The following TMCO4 variants were observed in gnomAD, a reference collection of about 807,000 sequenced individuals.
TMCO4 encodes transmembrane and coiled-coil domain-containing protein 4.
Under a neutral mutation model 64.7 loss-of-function variants are expected in TMCO4, and 58 were observed. That is an observed-to-expected ratio of 0.90 (90% confidence interval 0.73 to 1.12). The LOEUF (loss-of-function observed/expected upper bound fraction) is 1.12. TMCO4 is among the 50% of genes most tolerant of loss of function. TMCO4 has a pLI of 0.00. For missense variants in TMCO4, 780 were observed against 825.9 expected, an observed-to-expected ratio of 0.94 and a Z score of 0.68; for synonymous variants, 325 against 346.1, an observed-to-expected ratio of 0.94 and a Z score of 0.68.
intron 13 of TMCO4, among the ~76,000 whole-genome samples, chr1:19,717,458 C>T (rs559207569): frequency 2.0e-5 from 3 of 152,308 alleles, no homozygotes; most frequent in Admixed American, 1.3e-4. Context: ...AGTGAAAATG[C>T]TACTACTGAA....
rs930485406 is a variant in TMCO4 at position 19,706,402 on chromosome 1, C to T, written c.1265-5517G>A. Among the ~76,000 whole-genome samples, 6 of 152,290 alleles carry T rather than the reference C, an allele frequency of 3.9e-5. No homozygotes were observed. In the East Asian group the frequency reaches 1.2e-3, roughly 29 times the overall value. On this transcript the variant is annotated intron_variant, in intron 13 of 15. Transcript: ENST00000294543. Reference sequence around the variant, plus strand: ...CATGGACAATGAGTGTTTGCTGAAACATGTTTGGGATTTATTCCTACCGCT... The same window carrying T: ...CATGGACAATGAGTGTTTGCTGAAATATGTTTGGGATTTATTCCTACCGCT...
At chr1:19,710,558 T>C (rs1186189573) in intron 13 of TMCO4, among the ~76,000 whole-genome samples, 1 of 152,194 alleles carries the variant, frequency 6.6e-6, no homozygotes, top group Non-Finnish European at 1.5e-5. Context: ...ACCACTTCCA[T>C]TTAACGATGG....
intron 13 of TMCO4, among the ~76,000 whole-genome samples, chr1:19,702,566 C>A (rs933552198): frequency 1.3e-5 from 2 of 152,068 alleles, no homozygotes; most frequent in Admixed American, 1.3e-4. Context: ...TGCACTCCAG[C>A]CTGGGCCACA....
intron 6 of TMCO4, among the ~76,000 whole-genome samples, chr1:19,759,101 CAAAAAAAAAAAAA>C (rs1163885215): frequency 2.4e-4 from 5 of 21,178 alleles, no homozygotes; most frequent in African/African-American, 4.1e-4. Context: ...GACTCGGTCT[CAAAAAAAAAAAAA>C]AAAAAAAAAA....
At chr1:19,790,756 C>T (rs1557631621) in intron 2 of TMCO4, among the ~76,000 whole-genome samples, 2 of 152,180 alleles carry the variant, frequency 1.3e-5, no homozygotes, top group African/African-American at 4.8e-5. Flanking sequence ...GTGGCGATTC[C>T]TCAAAGATCT....
At chr1:19,790,505 A>C (rs2043977294) in intron 2 of TMCO4, among the ~76,000 whole-genome samples, 1 of 152,236 alleles carries the variant, frequency 6.6e-6, no homozygotes, top group Non-Finnish European at 1.5e-5. Context: ...AAAGTACATG[A>C]ACAGACACTT....
intron 14 of TMCO4, among the ~76,000 whole-genome samples, chr1:19,696,167 T>C (rs1254194611): frequency 6.6e-6 from 1 of 152,178 alleles, no homozygotes; most frequent in Non-Finnish European, 1.5e-5. Context: ...GGCTTTCTCA[T>C]CTAGACAATT....
chr1:19,716,045 A>G (rs1017349507), intron 13 of TMCO4, among the ~76,000 whole-genome samples: 2 of 152,144 alleles, frequency 1.3e-5, no homozygotes, highest in Non-Finnish European at 2.9e-5. Context: ...GGCCGGGTGC[A>G]CTGGATCATA....
chr1:19,720,159 T>A (rs2095375997), intron 13 of TMCO4, among the ~76,000 whole-genome samples: 1 of 151,692 alleles, frequency 6.6e-6, no homozygotes, highest in South Asian at 2.1e-4. Flanking sequence ...CTGATTAAAT[T>A]TTTACATTTT....
chr1:19,786,813 A>C (rs2043767689), intron 3 of TMCO4, among the ~76,000 whole-genome samples: 1 of 152,372 alleles, frequency 6.6e-6, no homozygotes, highest in East Asian at 1.9e-4. Flanking sequence ...GGCAAAAGTA[A>C]AACATAAATG....
intron 10 of TMCO4, among the ~76,000 whole-genome samples, chr1:19,742,160 G>A (rs1006845917): frequency 2.6e-5 from 4 of 151,950 alleles, no homozygotes; most frequent in Non-Finnish European, 4.4e-5. Context: ...CAGTCCAATC[G>A]CCTCTTCCAC....
At chr1:19,784,137 C>T (rs1443096238) in intron 3 of TMCO4, among the ~76,000 whole-genome samples, 2 of 152,122 alleles carry the variant, frequency 1.3e-5, no homozygotes, top group African/African-American at 4.8e-5. Context: ...CTGGGAAGCC[C>T]CACGCCAGTT....
chr1:19,797,047 G>C (rs1361164157), intron 2 of TMCO4, among the ~76,000 whole-genome samples: 1 of 152,178 alleles, frequency 6.6e-6, no homozygotes. Context: ...TGTGCTGAAT[G>C]AAACAACCCA....
rs535734842 is a variant in TMCO4, at chr1:19,796,638, G to A, written c.-101+1499C>T. Among the ~76,000 whole-genome samples, 215 of 152,062 alleles carry A rather than the reference G, an allele frequency of 1.4e-3. 1 individual carries two copies. The highest frequency in any genetic ancestry group is 3.5e-3 in the South Asian group (17 of 4,820). ...TTGCCAGGCTGGAGTGCAGTAGCTC[G>A]ATCTCGGCTCACTGCAACCTCCACC... On this transcript the variant is annotated intron_variant, in intron 2 of 15. Coordinates refer to ENST00000294543, the MANE Select transcript of TMCO4 (RefSeq NM_181719.7).
intron 13 of TMCO4, among the ~76,000 whole-genome samples, chr1:19,724,481 A>G (rs746844983): frequency 6.6e-6 from 1 of 152,208 alleles, no homozygotes; most frequent in African/African-American, 2.4e-5. Flanking sequence ...TTATAGGCAA[A>G]ATGGGAAAAT....
chr1:19,795,518 T>A (rs1236919291), intron 2 of TMCO4, among the ~76,000 whole-genome samples: 2 of 152,142 alleles, frequency 1.3e-5, no homozygotes, highest in East Asian at 3.9e-4. Context: ...AAAAAAAATT[T>A]AAACATTTAA....
chr1:19,682,646 G>A lies in TMCO4; in HGVS notation c.*394C>T. 1.4e-6 allele frequency: 1 copy of A among 717,614 alleles called. No individual in the cohort carries two copies. Among genetic ancestry groups the A allele is most frequent in the Non-Finnish European group, 2.6e-6 (1 of 385,092 alleles). The allele number at this position is 717,614 out of a possible 1,614,324, so 44.5% of individuals were successfully genotyped here. ...ACCTGGTTTTATTGAGGCCAGGGGA[G>A]AGCTGGTGTGGGAGCCTCAGGCCCC... On this transcript the variant is annotated 3_prime_UTR_variant, in exon 16 of 16. Coordinates refer to ENST00000294543, the MANE Select transcript of TMCO4 (RefSeq NM_181719.7).
chr1:19,727,089 A>G (rs1161543426), intron 13 of TMCO4, among the ~76,000 whole-genome samples: 2 of 152,200 alleles, frequency 1.3e-5, no homozygotes, highest in Non-Finnish European at 2.9e-5. Flanking sequence ...TGCAAACCCA[A>G]ACTGCCTGCC....
At chr1:19,728,082 A>T (rs1227837889) in intron 13 of TMCO4, among the ~76,000 whole-genome samples, 1 of 152,186 alleles carries the variant, frequency 6.6e-6, no homozygotes, top group Non-Finnish European at 1.5e-5. Context: ...GAGGGAAAGG[A>T]TCAGAAACAG....
Sources: allele counts gnomAD v4.1 joint callset (sites outside exome capture counted in the v4.1 genomes callset), GRCh38; gene constraint gnomAD v4.1.1; transcripts MANE v1.5; gene names NCBI Gene and HGNC (gene_info 2026-07-23, HGNC 2026-07-21).